The following RPN2 variants were observed in gnomAD, a reference collection of about 807,000 sequenced individuals.
RPN2 encodes the protein ribophorin II.
RPN2 carries 29 observed loss-of-function variants against 71.4 expected under a neutral mutation model. The ratio of observed to expected loss-of-function variants is 0.41; its 90% CI spans 0.30 to 0.55. The LOEUF is 0.55. RPN2 is among the 20% of genes least tolerant of loss of function. The pLI is 0.35. For missense variants in RPN2, 726 were observed against 774.1 expected, an observed-to-expected ratio of 0.94 and a Z score of 0.74; for synonymous variants, 308 against 305.0, an observed-to-expected ratio of 1.01 and a Z score of -0.10.
intron 10 of RPN2, among the ~76,000 whole-genome samples, chr20:37,224,497 C>T (rs1376396889): frequency 6.6e-6 from 1 of 152,182 alleles, no homozygotes; most frequent in Non-Finnish European, 1.5e-5. Context: ...CTAGGGCTGC[C>T]ATTTCCCCCT....
rs77838287 is a variant in RPN2, at chr20:37,228,530, T to G, written c.1300-20T>G. 3.9e-4 allele frequency: 633 copies of G among 1,608,376 alleles called. 2 individuals are homozygous for G. The African/African-American group carries it at 7.8e-3, about 20-fold the overall frequency. ...ATCTTGAAATTATCAGATGAAAGATTGTATTATTCTTCCATCTAGACATTT... is the reference window on the plus strand; with the variant it reads ...ATCTTGAAATTATCAGATGAAAGATGGTATTATTCTTCCATCTAGACATTT... On this transcript the variant is annotated intron_variant, in intron 11 of 16. Coordinates refer to ENST00000237530, the MANE Select transcript of RPN2 (RefSeq NM_002951.5).
intron 9 of RPN2, among the ~76,000 whole-genome samples, chr20:37,217,095 T>C (rs1215758716): frequency 6.6e-6 from 1 of 151,274 alleles, no homozygotes; most frequent in Non-Finnish European, 1.5e-5. Context: ...CATGCCCAGC[T>C]AATTTTTGTA....
At chr20:37,189,659 T>C (rs554041345) in intron 2 of RPN2, among the ~76,000 whole-genome samples, 17 of 152,326 alleles carry the variant, frequency 1.1e-4, no homozygotes, top group African/African-American at 3.8e-4. Flanking sequence ...AAATTAGTTC[T>C]GCTCAAAAGT....
At chr20:37,238,443 C>G in intron 16 of RPN2, 1 of 1,606,370 alleles carries the variant, frequency 6.2e-7, no homozygotes, top group Non-Finnish European at 8.5e-7. Context: ...AAATATAGGA[C>G]ACTACGGTAA....
rs1219735403 is a variant in RPN2, at chr20:37,213,809, T to C, written c.1036T>C (p.Tyr346His). The change falls in exon 9 of 17, where the codon TAT becomes CAT. Residue 346 changes from tyrosine to histidine, a missense_variant. Physicochemically the swap from Tyr to His is moderately conservative, Grantham distance 83. Coordinates refer to ENST00000237530, the MANE Select transcript of RPN2 (RefSeq NM_002951.5). Reference protein sequence around the residue: ...FMNVKFSSGYYDFLVEVEGDN... With the variant: ...FMNVKFSSGYHDFLVEVEGDN... ...GAACGTCAAATTTTCCAGTGGTTAT[T>C]ATGACTTCCTTGTCGAAGTTGAAGG... 6.2e-7 allele frequency: 1 copy of C among 1,614,172 alleles called. No homozygotes were observed. Among genetic ancestry groups the C allele is most frequent in the Non-Finnish European group, 8.5e-7 (1 of 1,180,018 alleles).
chr20:37,183,624 G>A (rs540743493), intron 1 of RPN2, among the ~76,000 whole-genome samples: 1 of 152,338 alleles, frequency 6.6e-6, no homozygotes, highest in Admixed American at 6.5e-5. Context: ...TGGCAGAGGT[G>A]TGATTTAAGC....
chr20:37,212,531 A>C (rs1239367474), intron 8 of RPN2, among the ~76,000 whole-genome samples: 1 of 151,388 alleles, frequency 6.6e-6, no homozygotes, highest in East Asian at 1.9e-4. Flanking sequence ...CCTGGGCTGG[A>C]ATGCAGTGGC....
At chr20:37,217,137 G>A (rs1458389203) in intron 9 of RPN2, among the ~76,000 whole-genome samples, 1 of 150,760 alleles carries the variant, frequency 6.6e-6, no homozygotes, top group Non-Finnish European at 1.5e-5. Flanking sequence ...TTGCCATGTT[G>A]CCCAGGCTGC....
chr20:37,224,684 T>C (rs757483061), intron 10 of RPN2, among the ~76,000 whole-genome samples: 2 of 152,210 alleles, frequency 1.3e-5, no homozygotes, highest in African/African-American at 2.4e-5. Context: ...CAGATCCTTA[T>C]TGGCTCAGCG....
chr20:37,208,477 A>G lies in RPN2; in HGVS notation c.867+1028A>G, dbSNP rs1056271768. On this transcript the variant is annotated intron_variant, in intron 7 of 16. Coordinates refer to ENST00000237530, the MANE Select transcript of RPN2 (RefSeq NM_002951.5). ...CAGGCTGGAGTGCCGTGGTGCGATCATGGCCCACTGCAGCGTAGGCTTCCT... is the reference window on the plus strand; with the variant it reads ...CAGGCTGGAGTGCCGTGGTGCGATCGTGGCCCACTGCAGCGTAGGCTTCCT... Among the ~76,000 whole-genome samples, 19 of 152,190 alleles carry G rather than the reference A, an allele frequency of 1.2e-4. No homozygotes were observed. In the East Asian group the frequency reaches 2.5e-3, roughly 20 times the overall value.
intron 1 of RPN2, among the ~76,000 whole-genome samples, chr20:37,183,801 A>G (rs1489130241): frequency 6.6e-6 from 1 of 152,240 alleles, no homozygotes; most frequent in Non-Finnish European, 1.5e-5. Flanking sequence ...CTGGCTTCTT[A>G]GAGGACAGAG....
At chr20:37,179,447 G>A in intron 1 of RPN2, 78 bp downstream of exon 1, 1 of 1,447,270 alleles carries the variant, frequency 6.9e-7, no homozygotes, top group East Asian at 2.6e-5. Context: ...GAGCCGGCCA[G>A]GCGGGATCCC....
chr20:37,230,646 A>G (rs1294642473), intron 13 of RPN2, among the ~76,000 whole-genome samples: 1 of 152,180 alleles, frequency 6.6e-6, no homozygotes, highest in African/African-American at 2.4e-5. Flanking sequence ...TCAGTGGACT[A>G]TTTTGCAATC....
In RPN2 at chr20:37,213,741, C is replaced by T; in HGVS notation, c.987-19C>T. On this transcript the variant is annotated intron_variant, in intron 8 of 16. Coordinates refer to ENST00000237530, the MANE Select transcript of RPN2 (RefSeq NM_002951.5). ...TTTCCTACCTGAGTTCTTGCTAAGC[C>T]CATTGTCATTCTTAACAGGGATGTT... 6.4e-7 allele frequency: 1 copy of T among 1,572,260 alleles called. No homozygotes were observed. Among genetic ancestry groups the T allele is most frequent in the South Asian group, 1.1e-5 (1 of 90,202 alleles).
At chr20:37,190,797 T>G (rs1309725443) in intron 2 of RPN2, among the ~76,000 whole-genome samples, 1 of 152,236 alleles carries the variant, frequency 6.6e-6, no homozygotes, top group Non-Finnish European at 1.5e-5. Context: ...TTCTAATTGC[T>G]TATGAAATGT....
At chr20:37,202,464 G>A (rs775465071) in intron 4 of RPN2, among the ~76,000 whole-genome samples, 39 of 152,172 alleles carry the variant, frequency 2.6e-4, no homozygotes, top group Non-Finnish European at 4.4e-4. Context: ...GACTTGATAA[G>A]TGGTGGTTTT....
At chr20:37,193,632 T>C (rs751673606) in intron 2 of RPN2, among the ~76,000 whole-genome samples, 1 of 152,162 alleles carries the variant, frequency 6.6e-6, no homozygotes, top group Non-Finnish European at 1.5e-5. Context: ...CAGGGCAAGA[T>C]TGAATGCAGG....
chr20:37,232,627 T>G (rs899191490), intron 14 of RPN2, among the ~76,000 whole-genome samples: 5 of 151,960 alleles, frequency 3.3e-5, no homozygotes, highest in African/African-American at 1.2e-4. Flanking sequence ...TAACAGCCAC[T>G]AAGAATGACA....
intron 16 of RPN2, chr20:37,238,301 C>A (rs1380148855): frequency 5.6e-6 from 5 of 889,648 alleles, no homozygotes; most frequent in African/African-American, 1.7e-5. Flanking sequence ...AAATCAGTGA[C>A]CCTAATGGAA....
Sources: gnomAD v4.1 joint callset for allele counts (sites outside exome capture counted in the v4.1 genomes callset) on GRCh38, gnomAD v4.1.1 for gene constraint, MANE v1.5 for transcripts, NCBI Gene and HGNC (gene_info 2026-07-23, HGNC 2026-07-21) for gene names.